The following PHF8 variants were observed in gnomAD, a reference collection of about 807,000 sequenced individuals.
The protein encoded by PHF8 is histone lysine demethylase PHF8.
PHF8 carries 9 observed loss-of-function variants against 74.4 expected under a neutral mutation model. That is an observed-to-expected ratio of 0.12 (90% CI 0.07 to 0.21). The LOEUF (loss-of-function observed/expected upper bound fraction) is 0.21, where lower values mean the gene tolerates loss of function less well. PHF8 is among the 10% of genes least tolerant of loss of function. PHF8 has a pLI of 1.00. For missense variants in PHF8, 478 were observed against 816.6 expected (o/e 0.59, Z 5.05); for synonymous variants, 311 against 316.6 (o/e 0.98, Z 0.19).
intron 14 of PHF8, among the ~76,000 whole-genome samples, chrX:53,990,247 G>C (rs1295855247): frequency 8.9e-6 from 1 of 111,866 alleles, no homozygotes; most frequent in Non-Finnish European, 1.9e-5. Context: ...CTAAGTTTCA[G>C]CAATTATCAA....
intron 19 of PHF8, among the ~76,000 whole-genome samples, chrX:53,961,649 G>A (rs1341188166): frequency 1.8e-5 from 2 of 110,799 alleles, no homozygotes; most frequent in Admixed American, 2.0e-4. Context: ...AACATTTACT[G>A]ATTAACTCAC....
intron 18 of PHF8, among the ~76,000 whole-genome samples, chrX:53,975,948 T>C (rs1278255742): frequency 9.0e-6 from 1 of 111,587 alleles, no homozygotes; most frequent in East Asian, 2.8e-4. Flanking sequence ...TGCATATATG[T>C]ATCAAAATAT....
chrX:53,966,761 G>A (rs75851762), intron 18 of PHF8, among the ~76,000 whole-genome samples: 300 of 98,068 alleles, frequency 3.1e-3, no homozygotes, highest in African/African-American at 0.01. Flanking sequence ...GTCTCTGCCC[G>A]GCTGCCATCC....
intron 21 of PHF8, 99 bp from the exon 22 acceptor site, chrX:53,939,345 T>C: frequency 1.5e-6 from 1 of 671,535 alleles, no homozygotes; most frequent in Admixed American, 2.7e-5. Context: ...CCTGTTTCTC[T>C]ACCCACAAAG....
intron 13 of PHF8, among the ~76,000 whole-genome samples, chrX:53,993,298 A>T (rs1393063929): frequency 8.9e-6 from 1 of 111,771 alleles, no homozygotes; most frequent in Non-Finnish European, 1.9e-5. Flanking sequence ...CCTCCTCTGT[A>T]TCTCAGGGTC....
intron 18 of PHF8, among the ~76,000 whole-genome samples, chrX:53,978,747 A>C (rs2065428800): frequency 9.4e-6 from 1 of 106,241 alleles, no homozygotes; most frequent in African/African-American, 3.5e-5. Context: ...GCAGTGAGCC[A>C]AGATCACGCC....
At chrX:53,966,123 T>G (rs2065181499) in intron 18 of PHF8, among the ~76,000 whole-genome samples, 1 of 112,077 alleles carries the variant, frequency 8.9e-6, no homozygotes. Flanking sequence ...TTAAACATAC[T>G]TTTAAATAAA....
At chrX:54,011,928 T>C (rs781834537) in intron 7 of PHF8, among the ~76,000 whole-genome samples, 59 of 108,813 alleles carry the variant, frequency 5.4e-4, no homozygotes, top group Non-Finnish European at 9.0e-4. Flanking sequence ...CACAGCATGA[T>C]TGGTTTAACC....
chrX:53,981,351 GCCTTAGCA>G (rs782279956), intron 18 of PHF8, among the ~76,000 whole-genome samples: 2 of 112,270 alleles, frequency 1.8e-5, no homozygotes, highest in East Asian at 5.6e-4. Flanking sequence ...TACAGAGAAA[GCCTTAGCA>G]ACATAAGAAG....
At chrX:53,999,623 G>A (rs1345757879) in intron 11 of PHF8, 6 of 358,884 alleles carry the variant, frequency 1.7e-5, no homozygotes, top group African/African-American at 2.6e-5. Flanking sequence ...AAAATCATAG[G>A]TGATAATTTT....
At chrX:53,993,557 G>C (rs2065701853) in intron 13 of PHF8, 44 bp downstream of exon 13, 1 of 1,132,750 alleles carries the variant, frequency 8.8e-7, no homozygotes, top group Non-Finnish European at 1.2e-6. Context: ...CTCTTCCAAG[G>C]GACACCCAAA....
At chrX:54,041,354 A>G (rs1168583614) in intron 2 of PHF8, among the ~76,000 whole-genome samples, 2 of 106,588 alleles carry the variant, frequency 1.9e-5, no homozygotes, top group African/African-American at 6.9e-5. Context: ...ATTGCACTCC[A>G]GCCTGGGTGA....
chrX:54,034,466 G>C (rs1351618519), intron 2 of PHF8, among the ~76,000 whole-genome samples: 1 of 111,428 alleles, frequency 9.0e-6, no homozygotes, highest in Non-Finnish European at 1.9e-5. Flanking sequence ...AAGAATTCAA[G>C]GGAAATCAAG....
At chrX:54,026,353 CAAAA>C (rs1192940345) in intron 2 of PHF8, among the ~76,000 whole-genome samples, 135 of 48,527 alleles carry the variant, frequency 2.8e-3, no homozygotes, top group African/African-American at 9.7e-3. Flanking sequence ...GATTCCATCT[CAAAA>C]AAAAAAAAAA....
chrX:53,942,575 A>G (rs937933115), intron 20 of PHF8: 1 of 411,027 alleles, frequency 2.4e-6, no homozygotes, highest in Non-Finnish European at 3.1e-6. Context: ...TTTTCTGACC[A>G]TAGTGGGGAT....
intron 18 of PHF8, among the ~76,000 whole-genome samples, chrX:53,971,327 A>G (rs1295008910): frequency 1.8e-5 from 2 of 111,528 alleles, no homozygotes; most frequent in African/African-American, 6.5e-5. Flanking sequence ...TCTGGGATGC[A>G]GCTAAACCAG....
chrX:53,993,029 G>A, intron 13 of PHF8, 190 bp from the exon 14 acceptor site: 1 of 445,114 alleles, frequency 2.2e-6, no homozygotes, highest in Non-Finnish European at 4.0e-6. Flanking sequence ...GTTGGTTCAG[G>A]GGACACCTGT....
At chrX:53,968,062 C>T (rs1282166748) in intron 18 of PHF8, among the ~76,000 whole-genome samples, 1 of 103,477 alleles carries the variant, frequency 9.7e-6, no homozygotes, top group East Asian at 2.9e-4. Context: ...CACTATTGTC[C>T]TATGACCCTG....
At chrX:54,019,050 A>C (rs1238781541) in intron 4 of PHF8, among the ~76,000 whole-genome samples, 1 of 112,384 alleles carries the variant, frequency 8.9e-6, no homozygotes, top group African/African-American at 3.2e-5. Flanking sequence ...AACCATATAG[A>C]AATTAAAATT....
Sources: gnomAD v4.1 joint callset for allele counts (sites outside exome capture counted in the v4.1 genomes callset) on GRCh38, gnomAD v4.1.1 for gene constraint, MANE v1.5 for transcripts, NCBI Gene and HGNC (gene_info 2026-07-23, HGNC 2026-07-21) for gene names.